TNS2: variants seen among roughly 807,000 people sequenced by gnomAD.
The protein encoded by TNS2 is tensin-2.
Under a neutral mutation model 155.7 loss-of-function variants are expected in TNS2, and 77 were observed. The ratio of observed to expected loss-of-function variants is 0.49; its 90% CI spans 0.41 to 0.60. TNS2 has a LOEUF of 0.60. Ranked by LOEUF, TNS2 falls within the 20% of genes least tolerant of loss-of-function variation. The pLI is 0.00. For synonymous variants in TNS2, 726 were observed against 763.9 expected, an observed-to-expected ratio of 0.95 and a Z score of 0.82; for missense variants, 1,703 against 1,868.8, an observed-to-expected ratio of 0.91 and a Z score of 1.64.
intron 7 of TNS2, among the ~76,000 whole-genome samples, chr12:53,054,715 C>T (rs1944078200): frequency 6.6e-6 from 1 of 152,062 alleles, no homozygotes; most frequent in African/African-American, 2.4e-5. Flanking sequence ...CACTTTGTTG[C>T]CCAGGCTGGA....
intron 1 of TNS2, 132 bp from the exon 2 acceptor site, chr12:53,051,723 G>A (rs763071928): frequency 7.0e-5 from 47 of 674,920 alleles, no homozygotes; most frequent in Middle Eastern, 3.5e-4. Context: ...GGCCAAGTGC[G>A]TCCTACAAGT....
rs758098057 is a variant in TNS2 at position 53,058,704 on chromosome 12, C to G, written c.1292-10C>G. 1 of 1,614,014 alleles carries G rather than the reference C, an allele frequency of 6.2e-7. No homozygotes were observed. The highest frequency in any genetic ancestry group is 8.5e-7 in the Non-Finnish European group (1 of 1,179,978). ...CCCCTGCTCCCCAATACCCGAGTGG[C>G]CTTCCACAGGCAGCACTCCACGGAA... On this transcript the variant is annotated splice_polypyrimidine_tract_variant and intron_variant, in intron 16 of 28. Coordinates refer to ENST00000314250, the MANE Select transcript of TNS2 (RefSeq NM_170754.4).
At chr12:53,055,424 TA>T in intron 8 of TNS2, 143 bp from the exon 9 acceptor site, 2 of 1,201,998 alleles carry the variant, frequency 1.7e-6, no homozygotes, top group Non-Finnish European at 2.3e-6. Context: ...ATTGTATGGA[TA>T]AGGAAAGTGC....
Position 53,059,128 on chromosome 12 carries a change from C to A in TNS2, c.1487C>A (p.Ala496Glu). The change falls in exon 18 of 29, where the codon GCA becomes GAA. Residue 496 changes from alanine (A) to glutamate (E), a missense_variant. Coordinates refer to ENST00000314250, the MANE Select transcript of TNS2 (RefSeq NM_170754.4). The surrounding 1 kb of genome is among the most constrained non-coding windows in gnomAD (Gnocchi z 4.7). The stretch of plus-strand genomic sequence containing the variant: ...CGGCCTCCCCGGCAGACCCCCCCGG[C>A]ACCCTCTCCAGAGCCTCCACCACCC... The part of the protein sequence containing the change: ...VQRPPRQTPP[A>E]PSPEPPPPPM... 1 of 1,579,794 alleles carries A rather than the reference C, an allele frequency of 6.3e-7. No homozygotes were observed. The highest frequency in any genetic ancestry group is 1.2e-5 in the South Asian group (1 of 85,842).
Position 53,055,765 on chromosome 12 carries a change from T to A in TNS2, c.697-16T>A. The A allele has an allele frequency of 6.2e-7, 1 of 1,614,208 alleles. No individual in the cohort carries two copies. The highest frequency in any genetic ancestry group is 2.2e-5 in the East Asian group (1 of 44,888). On this transcript the variant is annotated splice_polypyrimidine_tract_variant and intron_variant, in intron 9 of 28. Coordinates refer to ENST00000314250, the MANE Select transcript of TNS2 (RefSeq NM_170754.4). ...TGGAGCTCCCAGACCCTCATCCCTG[T>A]CTCTCTGTCTGTCAGGGAAACAAGG...
intron 7 of TNS2, 69 bp downstream of exon 7, chr12:53,054,510 A>G (rs1944064993): frequency 1.4e-6 from 2 of 1,397,876 alleles, no homozygotes; most frequent in Admixed American, 3.0e-5. Flanking sequence ...GAGGCTAATC[A>G]CTGACGTCAC....
rs11170390 is a variant in TNS2, at chr12:53,061,633, G to A, written c.3448+164G>A. The stretch of plus-strand genomic sequence containing the variant: ...GTGATTCTGGGCTTTGGGCCAAGGC[G>A]GTGAGATCCAACATGGTCAAAACCC... On this transcript the variant is annotated intron_variant, in intron 21 of 28. Transcript: ENST00000314250. 79,873 of 1,332,678 alleles carry A rather than the reference G, an allele frequency of 0.06. 2,779 individuals are homozygous for A. The highest frequency in any genetic ancestry group is 0.16 in the East Asian group (6,475 of 40,768). 82.6% of individuals were successfully genotyped at this position (1,332,678 alleles called of 1,614,324 possible).
chr12:53,049,288 C>A, upstream of TNS2: 1 of 1,559,682 alleles, frequency 6.4e-7, no homozygotes, highest in Non-Finnish European at 8.8e-7. Flanking sequence ...GGGGAGGGTG[C>A]AGCCCTTGGG....
chr12:53,059,505 G>T lies in TNS2; in HGVS notation c.1864G>T (p.Ala622Ser). 1 of 1,576,012 alleles carries T rather than the reference G, an allele frequency of 6.3e-7. No individual in the cohort carries two copies. The highest frequency in any genetic ancestry group is 1.9e-5 in the Admixed American group (1 of 53,394). ...GGGAACCCTGGAGAGGAGGCGACTG[G>T]CCTACGGGGGCTATGAGGGATCCCC... ...PEGTLERRRL[A>S]YGGYEGSPQG... The change falls in exon 18 of 29, where the codon GCC (alanine) becomes TCC (serine). Residue 622 changes from alanine to serine, a missense_variant. Transcript: ENST00000314250. The surrounding 1 kb of genome is among the most constrained non-coding windows in gnomAD (Gnocchi z 4.7).
chr12:53,054,196 G>C lies in TNS2; in HGVS notation c.351-74G>C. 9 of 1,603,546 alleles carry C rather than the reference G, an allele frequency of 5.6e-6. No homozygotes were observed. In the South Asian group the frequency reaches 9.9e-5, roughly 18 times the overall value. ...AGCAGGCTTCACCTGCTGCCCAACA[G>C]ACAGCCTTCCCGTCACACTAGCCAC... is the stretch of plus-strand genomic sequence containing the variant. On this transcript the variant is annotated intron_variant, in intron 6 of 28. Transcript: ENST00000314250.
intron 7 of TNS2, 99 bp from the exon 8 acceptor site, chr12:53,055,087 A>C (rs933468250): frequency 7.8e-6 from 11 of 1,404,558 alleles, no homozygotes; most frequent in South Asian, 1.2e-5. Context: ...ACCGGCCTGC[A>C]CCTTATTTTA....
Position 53,058,119 on chromosome 12 carries a change from CA to C in TNS2, c.1095+19del, listed in dbSNP as rs768162965. 29 of 1,614,160 alleles carry C rather than the reference CA, an allele frequency of 1.8e-5. No homozygotes were observed. The African/African-American group carries it at 2.4e-4, about 13-fold the overall frequency. The stretch of plus-strand genomic sequence containing the variant: ...GATGTCATGGTGAGGGGGGTCCTGT[CA>C]ACAAGAAGAATCCTGGAGATGGGGC... On this transcript the variant is annotated intron_variant, in intron 14 of 28. Coordinates refer to ENST00000314250, the MANE Select transcript of TNS2 (RefSeq NM_170754.4).
At position 53,060,072 on chromosome 12, in the gene TNS2, T is replaced by C. The variant is rs774131313; in HGVS notation, c.2431T>C (p.Ser811Pro). 16 of 1,612,652 alleles carry C rather than the reference T, an allele frequency of 9.9e-6. No individual in the cohort carries two copies. In the Admixed American group the frequency reaches 2.3e-4, roughly 24 times the overall value. Residue 811 changes from serine (S) to proline (P), a missense_variant, in exon 18 of 29, where the codon TCT (serine) becomes CCT (proline). Ser to Pro is a moderately conservative substitution (Grantham distance 74). Coordinates refer to ENST00000314250, the MANE Select transcript of TNS2 (RefSeq NM_170754.4). The surrounding 1 kb of genome is among the most constrained non-coding windows in gnomAD (Gnocchi z 6.1). ...AYGRVPHSCG[S>P]PGEGRGYPSP... ...TGGCCGTGTGCCTCATAGCTGTGGCTCTCCAGGAGAGGGCAGAGGGTATCC... is the reference window on the plus strand; with the variant it reads ...TGGCCGTGTGCCTCATAGCTGTGGCCCTCCAGGAGAGGGCAGAGGGTATCC...
Position 53,063,634 on chromosome 12 carries a change from C to G in TNS2, c.4091+42C>G, listed in dbSNP as rs367675390. 5 of 1,614,066 alleles carry G rather than the reference C, an allele frequency of 3.1e-6. No homozygotes were observed. The African/African-American group carries it at 4.0e-5, about 13-fold the overall frequency. ...ATTCAGCCTCTTCCTTCCAAGGGAC[C>G]AGGGCGCTGCTGTCCTCTCAATGCT... On this transcript the variant is annotated intron_variant, in intron 28 of 28. Transcript: ENST00000314250. The surrounding 1 kb of genome is among the most constrained non-coding windows in gnomAD (Gnocchi z 5.6).
rs769289706 is a variant in TNS2, at chr12:53,059,090, T to C, written c.1449T>C (p.Tyr483=). The C allele has an allele frequency of 1.9e-6, 3 of 1,546,076 alleles. No individual in the cohort carries two copies. In the Admixed American group the frequency reaches 6.1e-5, roughly 32 times the overall value. The change falls in exon 18 of 29, where the codon TAT becomes TAC. Residue 483 remains tyrosine, a synonymous_variant. Transcript: ENST00000314250. The surrounding 1 kb of genome is among the most constrained non-coding windows in gnomAD (Gnocchi z 4.7). The part of the protein sequence containing the change: ...HTRGPLDGSP[Y]AQVQRPPRQT... The stretch of plus-strand genomic sequence containing the variant: ...GGGGTCCCCTGGATGGCAGTCCTTA[T>C]GCCCAGGTGCAGCGGCCTCCCCGGC...
At chr12:53,054,762 C>T (rs1944080162) in intron 7 of TNS2, among the ~76,000 whole-genome samples, 1 of 152,004 alleles carries the variant, frequency 6.6e-6, no homozygotes, top group Non-Finnish European at 1.5e-5. Flanking sequence ...GCAACCTCCT[C>T]CACCCGGGCT....
At chr12:53,062,973 A>C (rs959519506) in intron 25 of TNS2, 116 bp from the exon 26 acceptor site, 83 of 1,370,574 alleles carry the variant, frequency 6.1e-5, no homozygotes, top group Non-Finnish European at 7.9e-5. Context: ...CCTTTTTAAC[A>C]AGTCACCTAT....
chr12:53,060,673 A>G lies in TNS2; in HGVS notation c.2769-2A>G, dbSNP rs1944348185. 6.3e-7 allele frequency: 1 copy of G among 1,580,584 alleles called. No individual in the cohort carries two copies. Among genetic ancestry groups the G allele is most frequent in the Non-Finnish European group, 8.6e-7 (1 of 1,159,832 alleles). The stretch of plus-strand genomic sequence containing the variant: ...CTGACCATCTGCCCTTCCACCCTAC[A>G]GCACCCGGCGACAGGACACCAGGTC... On this transcript the variant is annotated splice_acceptor_variant, in intron 19 of 28. Coordinates refer to ENST00000314250, the MANE Select transcript of TNS2 (RefSeq NM_170754.4). LOFTEE classifies it high-confidence loss of function. This position sits in a 1 kb window ranked among gnomAD's most constrained non-coding sequence, Gnocchi z 6.1.
chr12:53,062,784 GA>G, intron 25 of TNS2, 87 bp downstream of exon 25: 2 of 1,504,962 alleles, frequency 1.3e-6, no homozygotes, highest in Non-Finnish European at 1.8e-6. Flanking sequence ...GAAAGGCCTT[GA>G]GGTGGGTGAG....
Sources: allele counts gnomAD v4.1 joint callset (sites outside exome capture counted in the v4.1 genomes callset), GRCh38; gene constraint gnomAD v4.1.1; non-coding constraint Gnocchi (gnomAD v3.1); transcripts MANE v1.5; gene names NCBI Gene and HGNC (gene_info 2026-07-23, HGNC 2026-07-21).